The following GPC6 variants were observed in gnomAD, a reference collection of about 807,000 sequenced individuals.
The protein encoded by GPC6 is glypican 6.
Under a neutral mutation model 55.2 loss-of-function variants are expected in GPC6, and 14 were observed. The observed-to-expected ratio is 0.25, with a 90% CI of 0.17 to 0.40. GPC6 has a LOEUF of 0.40. Ranked by LOEUF, GPC6 falls within the 10% of genes least tolerant of loss-of-function variation. GPC6 has a pLI of 1.00. For missense variants in GPC6, 641 were observed against 708.5 expected (o/e 0.90, Z 1.08); for synonymous variants, 278 against 259.6 (o/e 1.07, Z -0.68).
intron 1 of GPC6, among the ~76,000 whole-genome samples, chr13:93,482,808 A>C (rs9516240): frequency 6.6e-6 from 1 of 152,062 alleles, no homozygotes; most frequent in African/African-American, 2.4e-5. Flanking sequence ...TGTAGCAAGT[A>C]CGTTTGTAAT....
intron 3 of GPC6, among the ~76,000 whole-genome samples, chr13:93,966,394 G>C (rs1052987774): frequency 2.6e-5 from 4 of 152,198 alleles, no homozygotes; most frequent in Non-Finnish European, 5.9e-5. Flanking sequence ...TTACAGGGTA[G>C]ACTTTTCTTT....
At chr13:93,518,271 G>A (rs1004343009) in intron 1 of GPC6, among the ~76,000 whole-genome samples, 3 of 151,628 alleles carry the variant, frequency 2.0e-5, no homozygotes, top group South Asian at 2.1e-4. Context: ...GAGACTTCCC[G>A]GCTTCCTTAA....
intron 1 of GPC6, among the ~76,000 whole-genome samples, chr13:93,371,833 CTT>C (rs908012380): frequency 1.1e-4 from 16 of 152,070 alleles, no homozygotes; most frequent in African/African-American, 3.9e-4. Flanking sequence ...AAAAAAGACT[CTT>C]AGGAATAGAG....
chr13:94,211,491 TAA>T (rs1316092731), intron 4 of GPC6, among the ~76,000 whole-genome samples: 5 of 152,192 alleles, frequency 3.3e-5, no homozygotes, highest in Non-Finnish European at 5.9e-5. Flanking sequence ...TAATAAAAAA[TAA>T]GTTTATTTAA....
intron 6 of GPC6, among the ~76,000 whole-genome samples, chr13:94,370,991 AAAGTTTC>A (rs1879516183): frequency 6.6e-6 from 1 of 152,236 alleles, no homozygotes; most frequent in African/African-American, 2.4e-5. Context: ...AAAGAAATCC[AAAGTTTC>A]TTTTCAAAAG....
intron 2 of GPC6, among the ~76,000 whole-genome samples, chr13:93,765,276 A>ACTTTCCAGATAAGCTGTCTGGAAAGACAT: frequency 6.6e-6 from 1 of 151,954 alleles, no homozygotes; most frequent in African/African-American, 2.4e-5. Context: ...TGGAAAGACA[A>ACTTTCCAGATAAGCTGTCTGGAAAGACAT]CTTTCCAGAT....
intron 1 of GPC6, among the ~76,000 whole-genome samples, chr13:93,533,435 G>A (rs554988156): frequency 2.0e-5 from 3 of 152,252 alleles, no homozygotes; most frequent in Admixed American, 1.3e-4. Flanking sequence ...TTTATTTGAG[G>A]AGACATGTCG....
At chr13:93,893,044 A>T (rs572302903) in intron 3 of GPC6, among the ~76,000 whole-genome samples, 2 of 151,772 alleles carry the variant, frequency 1.3e-5, no homozygotes, top group Non-Finnish European at 2.9e-5. Context: ...AATTTTTGCC[A>T]GTAATAACCA....
At chr13:93,820,084 T>A (rs1485121095) in intron 2 of GPC6, among the ~76,000 whole-genome samples, 4 of 152,218 alleles carry the variant, frequency 2.6e-5, no homozygotes, top group Admixed American at 1.3e-4. Context: ...TTCAGCTGAC[T>A]GTAGTGGAAT....
Position 94,382,488 on chromosome 13 carries a change from C to T in GPC6, c.1227C>T (p.Asp409=), listed in dbSNP as rs776525061. Residue 409 remains aspartate, a synonymous_variant, in exon 7 of 9, where the codon GAC becomes GAT. Transcript: ENST00000377047. The stretch of plus-strand genomic sequence containing the variant: ...CATTACCCTACACTATCTGCAAGGA[C>T]GAGAGCGTGACAGCGGGCACGTCCA... The part of the protein sequence containing the change: ...WSALPYTICK[D]ESVTAGTSNE... 1.9e-6 allele frequency: 3 copies of T among 1,614,114 alleles called. No individual in the cohort carries two copies. Among genetic ancestry groups the T allele is most frequent in the East Asian group, 2.2e-5 (1 of 44,880 alleles).
At chr13:94,128,708 A>G (rs978742683) in intron 4 of GPC6, among the ~76,000 whole-genome samples, 1 of 152,314 alleles carries the variant, frequency 6.6e-6, no homozygotes, top group African/African-American at 2.4e-5. Context: ...CAATGCTGCC[A>G]TGTGACCAGA....
At chr13:93,441,283 A>G (rs552396592) in intron 1 of GPC6, among the ~76,000 whole-genome samples, 10 of 152,284 alleles carry the variant, frequency 6.6e-5, no homozygotes, top group Non-Finnish European at 1.3e-4. Flanking sequence ...GTCTTCCACA[A>G]TGGTTGAACT....
chr13:93,742,823 C>G (rs1357741354), intron 2 of GPC6, among the ~76,000 whole-genome samples: 2 of 152,124 alleles, frequency 1.3e-5, no homozygotes. Context: ...TGGATGCAAA[C>G]AAACCAGATG....
intron 6 of GPC6, among the ~76,000 whole-genome samples, chr13:94,311,785 G>A (rs965075725): frequency 2.6e-5 from 4 of 152,258 alleles, no homozygotes; most frequent in African/African-American, 7.2e-5. Flanking sequence ...GAACAGGAAC[G>A]CTGCAGAAAG....
chr13:93,956,584 C>G (rs375359553), intron 3 of GPC6, among the ~76,000 whole-genome samples: 1 of 152,202 alleles, frequency 6.6e-6, no homozygotes, highest in Non-Finnish European at 1.5e-5. Flanking sequence ...TTTCCACTTT[C>G]GCCCCAATCC....
intron 1 of GPC6, among the ~76,000 whole-genome samples, chr13:93,314,250 A>G (rs971644896): frequency 1.3e-5 from 2 of 152,178 alleles, no homozygotes; most frequent in African/African-American, 4.8e-5. Context: ...TAATGCATCA[A>G]ATATATACTT....
chr13:94,054,275 G>C (rs951291235), intron 4 of GPC6, among the ~76,000 whole-genome samples: 1 of 152,230 alleles, frequency 6.6e-6, no homozygotes, highest in Non-Finnish European at 1.5e-5. Context: ...GTTAGGGCCA[G>C]TGTCACGGAG....
rs71123497 is a variant in GPC6 at position 93,588,367 on chromosome 13, AGTGTGT to A, written c.319+42975_319+42980del. On this transcript the variant is annotated intron_variant, in intron 2 of 8. Transcript: ENST00000377047. ...GCTTTTAAAACAAGAGTGGCTATTAAGTGTGTGTGTGTGTGTGTGTGTGTGTGTGTG... is the reference window on the plus strand; with the variant it reads ...GCTTTTAAAACAAGAGTGGCTATTAAGTGTGTGTGTGTGTGTGTGTGTGTG... Among the ~76,000 whole-genome samples the A allele has an allele frequency of 5.8e-3, 870 of 150,490 alleles. 6 individuals are homozygous for A. The highest frequency in any genetic ancestry group is 0.02 in the African/African-American group (818 of 40,970).
At chr13:94,273,368 A>G (rs998127153) in intron 4 of GPC6, among the ~76,000 whole-genome samples, 5 of 152,228 alleles carry the variant, frequency 3.3e-5, no homozygotes, top group Admixed American at 3.3e-4. Flanking sequence ...ATAAAGAGGA[A>G]GGAGCAATGT....
Sources: allele counts gnomAD v4.1 joint callset (sites outside exome capture counted in the v4.1 genomes callset), GRCh38; gene constraint gnomAD v4.1.1; transcripts MANE v1.5; gene names NCBI Gene and HGNC (gene_info 2026-07-23, HGNC 2026-07-21).